Variants in RORB observed in about 807,000 individuals in gnomAD.
The protein encoded by RORB is nuclear receptor ROR-beta.
In RORB, 6 loss-of-function variants were observed where a neutral mutation model predicts 59.1. The observed-to-expected ratio is 0.10, with a 90% CI of 0.06 to 0.20. RORB has a LOEUF of 0.20. RORB is among the 10% of genes least tolerant of loss of function. The probability of loss-of-function intolerance (pLI) is 1.00; values close to 1 mark genes in which losing one functional copy is unlikely to be tolerated. For synonymous variants in RORB, 215 were observed against 204.5 expected (o/e 1.05, Z -0.44); for missense variants, 320 against 560.5 (o/e 0.57, Z 4.33).
chr9:74,669,733 G>A lies in RORB; in HGVS notation c.1111+1832G>A, dbSNP rs113187811. On this transcript the variant is annotated intron_variant, in intron 8 of 9. Transcript: ENST00000376896. ...AAGAGTCTCATTTCTTCTGTTACCCGTTTATCTGTAGAGACCAGATGTCTT... is the reference window on the plus strand; with the variant it reads ...AAGAGTCTCATTTCTTCTGTTACCCATTTATCTGTAGAGACCAGATGTCTT... Among the ~76,000 whole-genome samples, 116 of 152,012 alleles carry A rather than the reference G, an allele frequency of 7.6e-4. 2 individuals carry two copies. Among genetic ancestry groups the A allele is most frequent in the African/African-American group, 2.1e-3 (87 of 41,492 alleles).
At chr9:74,646,551 T>C (rs780962367) in intron 4 of RORB, among the ~76,000 whole-genome samples, 1 of 152,188 alleles carries the variant, frequency 6.6e-6, no homozygotes, top group African/African-American at 2.4e-5. Context: ...ATTTCATGCA[T>C]TTTAGTCATT....
chr9:74,667,416 A>G (rs910926376), intron 7 of RORB, among the ~76,000 whole-genome samples: 2 of 152,234 alleles, frequency 1.3e-5, no homozygotes, highest in Non-Finnish European at 2.9e-5. Flanking sequence ...TAGGTTTTCT[A>G]TGAATACTAT....
chr9:74,664,639 T>C (rs1824239090), intron 6 of RORB, among the ~76,000 whole-genome samples: 1 of 152,192 alleles, frequency 6.6e-6, no homozygotes, highest in South Asian at 2.1e-4. Context: ...TCCCCATGTA[T>C]AAGCCTCTAT....
intron 1 of RORB, among the ~76,000 whole-genome samples, chr9:74,584,431 T>A (rs1822768119): frequency 6.6e-6 from 1 of 152,232 alleles, no homozygotes; most frequent in South Asian, 2.1e-4. Context: ...GTTGTGAAGA[T>A]TAAATGAGAT....
At chr9:74,663,280 A>C (rs1244988284) in intron 6 of RORB, among the ~76,000 whole-genome samples, 2 of 152,222 alleles carry the variant, frequency 1.3e-5, no homozygotes, top group Non-Finnish European at 2.9e-5. Flanking sequence ...TAATAATAAC[A>C]TACTCATAAG....
intron 1 of RORB, among the ~76,000 whole-genome samples, chr9:74,533,932 A>G (rs1826284297): frequency 1.3e-5 from 2 of 151,960 alleles, no homozygotes; most frequent in South Asian, 4.2e-4. Context: ...TGTACTGTTG[A>G]CTTGTTTCTT....
At chr9:74,505,324 A>G (rs1475828781) in intron 1 of RORB, among the ~76,000 whole-genome samples, 1 of 152,136 alleles carries the variant, frequency 6.6e-6, no homozygotes, top group Non-Finnish European at 1.5e-5. Context: ...AGCCCAAATT[A>G]AGATATACTC....
intron 1 of RORB, among the ~76,000 whole-genome samples, chr9:74,560,955 G>A (rs1355507587): frequency 6.6e-6 from 1 of 152,128 alleles, no homozygotes; most frequent in Non-Finnish European, 1.5e-5. Context: ...TCCAGTATGA[G>A]ACTGTAGTCT....
At chr9:74,657,199 C>T (rs1824098056) in intron 4 of RORB, among the ~76,000 whole-genome samples, 1 of 152,162 alleles carries the variant, frequency 6.6e-6, no homozygotes, top group South Asian at 2.1e-4. Flanking sequence ...GCACCCGCCA[C>T]CATGCCCAGC....
At chr9:74,582,824 G>A (rs1822744103) in intron 1 of RORB, among the ~76,000 whole-genome samples, 1 of 152,118 alleles carries the variant, frequency 6.6e-6, no homozygotes, top group Admixed American at 6.6e-5. Context: ...TAAAGATCCT[G>A]TATGCATGAG....
rs148890650 is a variant in RORB at position 74,549,704 on chromosome 9, A to G, written c.7+51721A>G. ...TATTTTTTGACTGCTTGTAGGATTA[A>G]CTGTATTTTTTGACTGCTTGTAGGA... is the stretch of plus-strand genomic sequence containing the variant. On this transcript the variant is annotated intron_variant, in intron 1 of 9. Transcript: ENST00000376896. Among the ~76,000 whole-genome samples, 5 of 151,396 alleles carry G rather than the reference A, an allele frequency of 3.3e-5. No individual in the cohort carries two copies. The East Asian group carries it at 7.8e-4, about 24-fold the overall frequency.
chr9:74,599,774 T>C (rs941012090), intron 1 of RORB, among the ~76,000 whole-genome samples: 5 of 152,130 alleles, frequency 3.3e-5, no homozygotes, highest in Non-Finnish European at 7.4e-5. Flanking sequence ...GCCCTGGCTG[T>C]TTTACTTGCC....
At chr9:74,529,168 A>T (rs1334500755) in intron 1 of RORB, among the ~76,000 whole-genome samples, 1 of 151,982 alleles carries the variant, frequency 6.6e-6, no homozygotes, top group Non-Finnish European at 1.5e-5. Flanking sequence ...CTTTTAGATG[A>T]TAATATCTAA....
chr9:74,669,479 C>CA (rs35519349), intron 8 of RORB, among the ~76,000 whole-genome samples: 10,035 of 103,250 alleles, frequency 0.097, 441 homozygotes, highest in African/African-American at 0.12. Flanking sequence ...AACTCTGTCT[C>CA]AAAAAAAAAA....
At chr9:74,531,380 C>T (rs1469524468) in intron 1 of RORB, among the ~76,000 whole-genome samples, 2 of 151,824 alleles carry the variant, frequency 1.3e-5, no homozygotes, top group Non-Finnish European at 1.5e-5. Context: ...CAAAAGTGGC[C>T]CCAAAGTTTT....
At chr9:74,547,196 T>C (rs183911231) in intron 1 of RORB, among the ~76,000 whole-genome samples, 1 of 152,038 alleles carries the variant, frequency 6.6e-6, no homozygotes, top group East Asian at 1.9e-4. Flanking sequence ...TAAGAAAATA[T>C]GTATGAGAGA....
At position 74,504,892 on chromosome 9, in the gene RORB, A is replaced by T. The variant is rs546881761; in HGVS notation, c.7+6909A>T. On this transcript the variant is annotated intron_variant, in intron 1 of 9. Transcript: ENST00000376896. Reference sequence around the variant, plus strand: ...TAATTTTAAATTGTGTATTTAAAAAATTCTCACTCAACTGCCCAATATAGA... The same window carrying T: ...TAATTTTAAATTGTGTATTTAAAAATTTCTCACTCAACTGCCCAATATAGA... Among the ~76,000 whole-genome samples the T allele has an allele frequency of 1.2e-4, 19 of 152,196 alleles. No individual in the cohort carries two copies. In the East Asian group the frequency reaches 3.7e-3, roughly 29 times the overall value.
chr9:74,550,845 G>T (rs1433990938), intron 1 of RORB, among the ~76,000 whole-genome samples: 1 of 152,140 alleles, frequency 6.6e-6, no homozygotes, highest in Non-Finnish European at 1.5e-5. Flanking sequence ...TTGAAATGTG[G>T]CCAGTCCAAA....
intron 1 of RORB, among the ~76,000 whole-genome samples, chr9:74,600,411 C>A (rs1024495944): frequency 6.6e-6 from 1 of 152,140 alleles, no homozygotes; most frequent in Non-Finnish European, 1.5e-5. Flanking sequence ...TAAATTAAAC[C>A]TCTCCGTTCA....
Sources: gnomAD v4.1 joint callset for allele counts (sites outside exome capture counted in the v4.1 genomes callset) on GRCh38, gnomAD v4.1.1 for gene constraint, MANE v1.5 for transcripts, NCBI Gene and HGNC (gene_info 2026-07-23, HGNC 2026-07-21) for gene names.